The following NRF1 variants were observed in gnomAD, a reference collection of about 807,000 sequenced individuals.
NRF1 encodes alpha palindromic-binding protein.
A neutral mutation model predicts 58.5 loss-of-function variants in NRF1; 5 were observed. That is an observed-to-expected ratio of 0.09 (90% confidence interval 0.04 to 0.18). The LOEUF (loss-of-function observed/expected upper bound fraction) is 0.18. Ranked by LOEUF, NRF1 falls within the 10% of genes least tolerant of loss-of-function variation. The pLI, the probability that NRF1 is intolerant of heterozygous loss-of-function variation, is 1.00. For missense variants in NRF1, 288 were observed against 657.7 expected (o/e 0.44, Z 6.15); for synonymous variants, 224 against 246.7 (o/e 0.91, Z 0.86).
At chr7:129,743,412 T>G (rs529958920) in intron 10 of NRF1, among the ~76,000 whole-genome samples, 23 of 152,160 alleles carry the variant, frequency 1.5e-4, no homozygotes, top group Non-Finnish European at 3.2e-4. Context: ...TGCTGCTGGG[T>G]GTGGAACGCT....
intron 2 of NRF1, among the ~76,000 whole-genome samples, chr7:129,670,934 T>TA (rs1237106136): frequency 4.6e-5 from 7 of 152,252 alleles, no homozygotes; most frequent in Non-Finnish European, 8.8e-5. Context: ...GATACTCCTT[T>TA]AGGTGTTGTT....
chr7:129,696,077 A>AT lies in NRF1; in HGVS notation c.606+5531_606+5532insT, dbSNP rs1490989714. On this transcript the variant is annotated intron_variant, in intron 5 of 10. Transcript: ENST00000393232. ...GTCTCTACTAAAAAAAAAAAAAAAA[A>AT]AAAAAAAAACAACCAAATTAGCCGG... Among the ~76,000 whole-genome samples the AT allele has an allele frequency of 2.4e-4, 35 of 144,352 alleles. 1 individual carries two copies. In the East Asian group the frequency reaches 6.7e-3, roughly 28 times the overall value. The allele number at this position is 144,352 out of a possible 152,430, so 94.7% of individuals were successfully genotyped here.
At chr7:129,654,235 C>G (rs1010523780) in intron 1 of NRF1, among the ~76,000 whole-genome samples, 1 of 152,206 alleles carries the variant, frequency 6.6e-6, no homozygotes, top group African/African-American at 2.4e-5. Context: ...TGTTGAGCAT[C>G]TTTTCATATG....
chr7:129,708,728 G>A (rs1803006439), intron 5 of NRF1, among the ~76,000 whole-genome samples: 3 of 152,070 alleles, frequency 2.0e-5, no homozygotes, highest in Admixed American at 2.0e-4. Flanking sequence ...AAAACACCCC[G>A]AGTTTGGCAC....
At chr7:129,642,686 A>G (rs1801316549) in intron 1 of NRF1, among the ~76,000 whole-genome samples, 1 of 151,944 alleles carries the variant, frequency 6.6e-6, no homozygotes, top group Non-Finnish European at 1.5e-5. Flanking sequence ...GTTTATTTTT[A>G]ATTCCCCTAT....
At chr7:129,704,599 G>C (rs1461875284) in intron 5 of NRF1, among the ~76,000 whole-genome samples, 1 of 152,050 alleles carries the variant, frequency 6.6e-6, no homozygotes, top group Non-Finnish European at 1.5e-5. Context: ...ATATATTTTT[G>C]GATTTTTTTA....
At chr7:129,640,731 G>A (rs1248233525) in intron 1 of NRF1, among the ~76,000 whole-genome samples, 3 of 152,130 alleles carry the variant, frequency 2.0e-5, no homozygotes, top group Non-Finnish European at 2.9e-5. Context: ...GGAGATAGGG[G>A]TTCAAGTTTT....
chr7:129,694,035 A>T (rs1019369412), intron 5 of NRF1, among the ~76,000 whole-genome samples: 1 of 152,260 alleles, frequency 6.6e-6, no homozygotes, highest in African/African-American at 2.4e-5. Flanking sequence ...AACCACACTC[A>T]GTAGAGCTTG....
intron 2 of NRF1, among the ~76,000 whole-genome samples, chr7:129,661,881 A>G (rs1801787625): frequency 6.6e-6 from 1 of 150,564 alleles, no homozygotes; most frequent in South Asian, 2.1e-4. Flanking sequence ...CATGCTGCTG[A>G]TAAGGACATA....
intron 5 of NRF1, among the ~76,000 whole-genome samples, chr7:129,691,352 A>T (rs1358781824): frequency 4.9e-5 from 5 of 102,188 alleles, no homozygotes; most frequent in Admixed American, 2.3e-4. Context: ...TTATTTATTT[A>T]TTATTATTAT....
intron 1 of NRF1, among the ~76,000 whole-genome samples, chr7:129,620,788 G>GA (rs1161622438): frequency 6.6e-6 from 1 of 152,200 alleles, no homozygotes; most frequent in African/African-American, 2.4e-5. Context: ...TCATCTGTCA[G>GA]AAAAAATTCA....
chr7:129,666,402 GTA>G (rs1393961362), intron 2 of NRF1, among the ~76,000 whole-genome samples: 1 of 152,020 alleles, frequency 6.6e-6, no homozygotes, highest in Admixed American at 6.6e-5. Flanking sequence ...TATATTAATG[GTA>G]TCACTCTGAT....
At position 129,709,185 on chromosome 7, in the gene NRF1, C is replaced by A; in HGVS notation, c.717C>A (p.Pro239=). Residue 239 remains proline, a synonymous_variant, in exon 6 of 11, where the codon CCC becomes CCA. Coordinates refer to ENST00000393232, the MANE Select transcript of NRF1 (RefSeq NM_005011.5). ...CKPIWWPEDI[P]WANVRSDVRT... ...CCATCTGGTGGCCTGAAGATATCCC[C>A]TGGGCAAATGTCCGGAGTGATGTCC... 1 of 1,584,556 alleles carries A rather than the reference C, an allele frequency of 6.3e-7. No individual in the cohort carries two copies. Among genetic ancestry groups the A allele is most frequent in the Non-Finnish European group, 8.6e-7 (1 of 1,163,608 alleles).
At chr7:129,656,463 T>A (rs779848138) in intron 1 of NRF1, among the ~76,000 whole-genome samples, 4 of 150,316 alleles carry the variant, frequency 2.7e-5, no homozygotes, top group Admixed American at 6.7e-5. Context: ...TGGGGGGGAG[T>A]GGAGATTATA....
rs115117736 is a variant in NRF1 at position 129,726,214 on chromosome 7, A to C, written c.1224-1027A>C. Among the ~76,000 whole-genome samples, 725 of 152,330 alleles carry C rather than the reference A, an allele frequency of 4.8e-3. 4 individuals are homozygous for C. The highest frequency in any genetic ancestry group is 0.016 in the African/African-American group (684 of 41,566). On this transcript the variant is annotated intron_variant, in intron 9 of 10. Transcript: ENST00000393232. Reference sequence around the variant, plus strand: ...ATTCGATAGTCCCTCAGTAATTGCAAATTGACACCTGATACTTTACCAGAA... The same window carrying C: ...ATTCGATAGTCCCTCAGTAATTGCACATTGACACCTGATACTTTACCAGAA...
intron 1 of NRF1, among the ~76,000 whole-genome samples, chr7:129,648,492 G>T (rs527500953): frequency 6.6e-6 from 1 of 152,060 alleles, no homozygotes; most frequent in Admixed American, 6.5e-5. Context: ...TGTTAGCCAG[G>T]ATGGTCTCTA....
At chr7:129,628,399 C>A (rs971752645) in intron 1 of NRF1, among the ~76,000 whole-genome samples, 14 of 151,678 alleles carry the variant, frequency 9.2e-5, no homozygotes, top group African/African-American at 3.1e-4. Flanking sequence ...ACTTTTGATA[C>A]TATATTAGAA....
At chr7:129,712,694 G>C (rs867637598) in intron 8 of NRF1, among the ~76,000 whole-genome samples, 3 of 152,234 alleles carry the variant, frequency 2.0e-5, no homozygotes, top group African/African-American at 7.2e-5. Flanking sequence ...TGTAAGGGAT[G>C]CTGCAAAGCG....
At chr7:129,660,528 A>T (rs1406686557) in intron 2 of NRF1, among the ~76,000 whole-genome samples, 1 of 150,652 alleles carries the variant, frequency 6.6e-6, no homozygotes, top group East Asian at 1.9e-4. Flanking sequence ...AGTGGGAGAA[A>T]TTGGCCAAAT....
Sources: gnomAD v4.1 joint callset for allele counts (sites outside exome capture counted in the v4.1 genomes callset) on GRCh38, gnomAD v4.1.1 for gene constraint, MANE v1.5 for transcripts, NCBI Gene and HGNC (gene_info 2026-07-23, HGNC 2026-07-21) for gene names.